Variants in ASS1 observed in about 807,000 individuals in gnomAD.
ASS1 encodes argininosuccinate synthase.
Under a neutral mutation model 60.5 loss-of-function variants are expected in ASS1, and 58 were observed. The ratio of observed to expected loss-of-function variants is 0.96; its 90% CI spans 0.78 to 1.19. The LOEUF is 1.19. ASS1 is among the 50% of genes most tolerant of loss of function. The probability of loss-of-function intolerance (pLI) is 0.00; values close to 1 mark genes in which losing one functional copy is unlikely to be tolerated. For missense variants in ASS1, 454 were observed against 547.3 expected (o/e 0.83, Z 1.70); for synonymous variants, 200 against 206.9 (o/e 0.97, Z 0.29).
At chr9:130,468,133 A>G (rs1465559268) in intron 6 of ASS1, among the ~76,000 whole-genome samples, 1 of 152,226 alleles carries the variant, frequency 6.6e-6, no homozygotes, top group Admixed American at 6.5e-5. Context: ...AGAAGGAGGC[A>G]GAGGCAGTGT....
chr9:130,465,055 T>C, intron 5 of ASS1, among the ~76,000 whole-genome samples: 1 of 76,968 alleles, frequency 1.3e-5, no homozygotes, highest in East Asian at 2.5e-4. Context: ...TATATATATA[T>C]ATTTTTTTTT....
chr9:130,474,782 A>G (rs1164882509), intron 8 of ASS1, among the ~76,000 whole-genome samples: 1 of 152,232 alleles, frequency 6.6e-6, no homozygotes, highest in Non-Finnish European at 1.5e-5. Flanking sequence ...GAACCAGCAT[A>G]AGGTGGCGGA....
At chr9:130,480,753 T>G (rs1434887980) in intron 11 of ASS1, among the ~76,000 whole-genome samples, 4 of 151,918 alleles carry the variant, frequency 2.6e-5, no homozygotes, top group African/African-American at 4.8e-5. Context: ...CAGGCTGTCT[T>G]GTGTCTGGGG....
chr9:130,494,752 G>A lies in ASS1; in HGVS notation c.971-115G>A. The A allele has an allele frequency of 2.2e-6, 3 of 1,383,320 alleles. No individual in the cohort carries two copies. The South Asian group carries it at 3.6e-5, about 16-fold the overall frequency. 85.7% of individuals were successfully genotyped at this position (1,383,320 alleles called of 1,614,324 possible). ...CATTGTGCCAGTCTCGCGGGAGGCAGTCATGGTCTGCATGGCGGGGTAAAC... is the reference window on the plus strand; with the variant it reads ...CATTGTGCCAGTCTCGCGGGAGGCAATCATGGTCTGCATGGCGGGGTAAAC... On this transcript the variant is annotated intron_variant, in intron 12 of 14. Coordinates refer to ENST00000352480, the MANE Select transcript of ASS1 (RefSeq NM_054012.4). The surrounding 1 kb of genome is among the most constrained non-coding windows in gnomAD (Gnocchi z 4.3).
At chr9:130,487,870 C>A (rs186127744) in intron 11 of ASS1, among the ~76,000 whole-genome samples, 101 of 152,254 alleles carry the variant, frequency 6.6e-4, no homozygotes, top group Admixed American at 1.4e-3. Flanking sequence ...CCTGCCTCAG[C>A]CTCCCAAGTA....
rs776578183 is a variant in ASS1 at position 130,476,820 on chromosome 9, G to C, written c.598-51G>C. ...ATCCCCGCGGGAGGTGGGCTGTAGG[G>C]TGTCCAGGGACTGGTATGTCATCTG... On this transcript the variant is annotated intron_variant, in intron 8 of 14. Transcript: ENST00000352480. The surrounding 1 kb of genome is among the most constrained non-coding windows in gnomAD (Gnocchi z 4.9). 2 of 1,524,870 alleles carry C rather than the reference G, an allele frequency of 1.3e-6. No homozygotes were observed. Among genetic ancestry groups the C allele is most frequent in the East Asian group, 2.3e-5 (1 of 44,412 alleles). 94.5% of individuals were successfully genotyped at this position (1,524,870 alleles called of 1,614,324 possible).
Position 130,499,525 on chromosome 9 carries a change from A to G in ASS1, c.1148A>G (p.Tyr383Cys). Residue 383 changes from tyrosine (Y) to cysteine (C), a missense_variant, in exon 14 of 15, where the codon TAT becomes TGT. Coordinates refer to ENST00000352480, the MANE Select transcript of ASS1 (RefSeq NM_054012.4). ...TGCAGCATGAACGTGCAGGGTGATT[A>G]TGAGCCAACTGATGCCACCGGGTTC... ...ELVSMNVQGDYEPTDATGFIN... is the reference protein window; with the variant it reads ...ELVSMNVQGDCEPTDATGFIN... 1 of 1,613,854 alleles carries G rather than the reference A, an allele frequency of 6.2e-7. No homozygotes were observed. The highest frequency in any genetic ancestry group is 8.5e-7 in the Non-Finnish European group (1 of 1,179,936).
At chr9:130,486,559 C>T (rs1846310106) in intron 11 of ASS1, among the ~76,000 whole-genome samples, 3 of 152,168 alleles carry the variant, frequency 2.0e-5, no homozygotes, top group South Asian at 2.1e-4. Context: ...ACAAGAGTCA[C>T]GGTGAGGCCT....
intron 6 of ASS1, among the ~76,000 whole-genome samples, chr9:130,469,158 G>A (rs550374018): frequency 1.3e-5 from 2 of 152,306 alleles, no homozygotes; most frequent in African/African-American, 4.8e-5. Flanking sequence ...GAGCGAGGAC[G>A]GAGCCCAGCA....
In ASS1 at chr9:130,488,091, G is replaced by A. The variant is rs951849408; in HGVS notation, c.839-1242G>A. Among the ~76,000 whole-genome samples the A allele has an allele frequency of 6.6e-6, 1 of 152,168 alleles. No homozygotes were observed. Among genetic ancestry groups the A allele is most frequent in the Non-Finnish European group, 1.5e-5 (1 of 68,038 alleles). On this transcript the variant is annotated intron_variant, in intron 11 of 14. Transcript: ENST00000352480. This position sits in a 1 kb window ranked among gnomAD's most constrained non-coding sequence, Gnocchi z 5.2. ...TCTTAAGGCTGAATAATATTCCATC[G>A]TATGGATGGACTGCATTTTGCTTCT...
chr9:130,485,514 G>A (rs1359475503), intron 11 of ASS1, among the ~76,000 whole-genome samples: 1 of 152,164 alleles, frequency 6.6e-6, no homozygotes, highest in East Asian at 1.9e-4. Context: ...AGTTTGGACT[G>A]CCCTACAGTT....
At chr9:130,474,270 G>C (rs1845959089) in intron 8 of ASS1, among the ~76,000 whole-genome samples, 2 of 152,128 alleles carry the variant, frequency 1.3e-5, no homozygotes, top group Admixed American at 6.6e-5. Context: ...AATCGGCGCT[G>C]TCAGGTGCCT....
chr9:130,480,546 C>A, intron 11 of ASS1, 97 bp downstream of exon 11: 1 of 1,347,950 alleles, frequency 7.4e-7, no homozygotes, highest in Non-Finnish European at 1.0e-6. Context: ...TACCCCCATG[C>A]TCCGTGGGCG....
chr9:130,448,422 GCACA>G (rs3085579), intron 1 of ASS1, among the ~76,000 whole-genome samples: 132 of 143,280 alleles, frequency 9.2e-4, no homozygotes, highest in Middle Eastern at 3.5e-3. Flanking sequence ...GTGTGCGCGC[GCACA>G]CACACACACA....
intron 12 of ASS1, among the ~76,000 whole-genome samples, chr9:130,490,351 T>C (rs866869816): frequency 6.6e-6 from 1 of 152,154 alleles, no homozygotes; most frequent in Non-Finnish European, 1.5e-5. Flanking sequence ...TTCGCTCTTG[T>C]TGCCCAGGCT....
At chr9:130,456,463 TA>T (rs924927124) in intron 3 of ASS1, among the ~76,000 whole-genome samples, 12 of 151,992 alleles carry the variant, frequency 7.9e-5, no homozygotes, top group Admixed American at 1.3e-4. Flanking sequence ...CAAAACTCTG[TA>T]AAAAAAACCA....
At chr9:130,479,341 C>G (rs989933462) in intron 9 of ASS1, among the ~76,000 whole-genome samples, 3 of 152,108 alleles carry the variant, frequency 2.0e-5, no homozygotes, top group African/African-American at 7.2e-5. Flanking sequence ...AGCCACACCT[C>G]GGCCAGGCGG....
intron 12 of ASS1, among the ~76,000 whole-genome samples, chr9:130,490,011 G>A (rs1354545788): frequency 6.6e-6 from 1 of 152,260 alleles, no homozygotes; most frequent in Non-Finnish European, 1.5e-5. Context: ...CAGTACCGCA[G>A]GAGCCAGATC....
chr9:130,500,507 G>A (rs1252718373), intron 14 of ASS1, among the ~76,000 whole-genome samples: 1 of 152,010 alleles, frequency 6.6e-6, no homozygotes, highest in African/African-American at 2.4e-5. Flanking sequence ...TGGGCACAGA[G>A]CCATCATTTT....
Sources: allele counts gnomAD v4.1 joint callset (sites outside exome capture counted in the v4.1 genomes callset), GRCh38; gene constraint gnomAD v4.1.1; non-coding constraint Gnocchi (gnomAD v3.1); transcripts MANE v1.5; gene names NCBI Gene and HGNC (gene_info 2026-07-23, HGNC 2026-07-21).